GRXCR1: variants seen among roughly 807,000 people sequenced by gnomAD.
GRXCR1 encodes the protein glutaredoxin and cysteine rich domain containing 1, also known as glutaredoxin domain-containing cysteine-rich protein 1.
Under a neutral mutation model 27.3 loss-of-function variants are expected in GRXCR1, and 27 were observed. The observed-to-expected ratio is 0.99, with a 90% confidence interval of 0.73 to 1.37. The LOEUF is 1.37. Ranked by LOEUF, GRXCR1 falls within the 40% of genes most tolerant of loss-of-function variation. GRXCR1 has a pLI of 0.00. For synonymous variants in GRXCR1, 122 were observed against 131.1 expected (o/e 0.93, Z 0.47); for missense variants, 379 against 354.4 (o/e 1.07, Z -0.56).
chr4:42,964,933 T>C (rs1292085297), intron 2 of GRXCR1, among the ~76,000 whole-genome samples: 2 of 152,040 alleles, frequency 1.3e-5, no homozygotes, highest in Admixed American at 1.3e-4. Flanking sequence ...CTTTTTTAAC[T>C]TGGGAAAATG....
At chr4:42,948,401 T>G (rs771519923) in intron 1 of GRXCR1, among the ~76,000 whole-genome samples, 30 of 152,174 alleles carry the variant, frequency 2.0e-4, no homozygotes, top group Non-Finnish European at 4.1e-4. Flanking sequence ...AGAAAAGTCC[T>G]ACACACAAGT....
chr4:42,984,066 C>T (rs1577931857), intron 2 of GRXCR1, among the ~76,000 whole-genome samples: 1 of 152,210 alleles, frequency 6.6e-6, no homozygotes, highest in South Asian at 2.1e-4. Flanking sequence ...GAACTCCTGA[C>T]CTCAGGTGAT....
At chr4:42,954,054 T>C (rs1747945346) in intron 1 of GRXCR1, among the ~76,000 whole-genome samples, 1 of 152,152 alleles carries the variant, frequency 6.6e-6, no homozygotes, top group South Asian at 2.1e-4. Context: ...AAAATATTTA[T>C]GGAGTATCCA....
At chr4:42,936,107 A>C (rs1023699165) in intron 1 of GRXCR1, among the ~76,000 whole-genome samples, 1 of 151,914 alleles carries the variant, frequency 6.6e-6, no homozygotes, top group Non-Finnish European at 1.5e-5. Context: ...AATTTGGGCA[A>C]CAAGGAGGAA....
chr4:43,005,046 G>T (rs1270782169), intron 2 of GRXCR1, among the ~76,000 whole-genome samples: 1 of 152,138 alleles, frequency 6.6e-6, no homozygotes, highest in Non-Finnish European at 1.5e-5. Context: ...CTGGTGGGAG[G>T]CAATTGGATC....
intron 2 of GRXCR1, among the ~76,000 whole-genome samples, chr4:43,012,555 TTAC>T (rs947418072): frequency 6.6e-6 from 1 of 152,202 alleles, no homozygotes; most frequent in African/African-American, 2.4e-5. Context: ...TGGGAATTTA[TTAC>T]TACTACTTCT....
chr4:42,987,999 T>C (rs960065975), intron 2 of GRXCR1, among the ~76,000 whole-genome samples: 1 of 152,134 alleles, frequency 6.6e-6, no homozygotes, highest in African/African-American at 2.4e-5. Flanking sequence ...GCTCTTCTCA[T>C]TGGGGTCCTC....
At chr4:43,027,900 G>C (rs1287606690) in intron 3 of GRXCR1, among the ~76,000 whole-genome samples, 5 of 152,162 alleles carry the variant, frequency 3.3e-5, no homozygotes, top group Non-Finnish European at 7.4e-5. Context: ...ACTTGAGTTA[G>C]GAGTTTGTGA....
chr4:42,923,493 A>G (rs762510004), intron 1 of GRXCR1, among the ~76,000 whole-genome samples: 1 of 152,112 alleles, frequency 6.6e-6, no homozygotes, highest in Non-Finnish European at 1.5e-5. Context: ...TGGACTATTT[A>G]TCCAAATGTT....
rs141391379 is a variant in GRXCR1 at position 42,967,616 on chromosome 4, C to T, written c.627+4482C>T. ...ATTGATATTTTTCTTCATTTTTAGT[C>T]ATGTTTTTCTATTTTTATGCCTACT... On this transcript the variant is annotated intron_variant, in intron 2 of 3. Coordinates refer to ENST00000399770, the MANE Select transcript of GRXCR1 (RefSeq NM_001080476.3). Among the ~76,000 whole-genome samples the T allele has an allele frequency of 1.4e-4, 22 of 152,056 alleles. No individual in the cohort carries two copies. The South Asian group carries it at 2.3e-3, about 16-fold the overall frequency.
chr4:43,015,432 C>A (rs1468676653), intron 2 of GRXCR1, among the ~76,000 whole-genome samples: 1 of 151,998 alleles, frequency 6.6e-6, no homozygotes, highest in Non-Finnish European at 1.5e-5. Flanking sequence ...GATGTAGGAG[C>A]CATTTCTGTA....
chr4:43,028,196 A>G (rs532101193), intron 3 of GRXCR1, among the ~76,000 whole-genome samples: 2 of 152,154 alleles, frequency 1.3e-5, no homozygotes, highest in African/African-American at 4.8e-5. Context: ...CTTTTCTTCT[A>G]TGTCAACTCT....
intron 3 of GRXCR1, among the ~76,000 whole-genome samples, chr4:43,025,379 A>G (rs1395800953): frequency 6.6e-6 from 1 of 152,230 alleles, no homozygotes; most frequent in Non-Finnish European, 1.5e-5. Context: ...TGGCTAGTGA[A>G]TACTCAATAT....
chr4:43,008,417 A>G (rs556316771), intron 2 of GRXCR1, among the ~76,000 whole-genome samples: 1 of 152,332 alleles, frequency 6.6e-6, no homozygotes, highest in Admixed American at 6.5e-5. Flanking sequence ...TTTATAGCAC[A>G]AGTTTGCCTT....
rs576842716 is a variant in GRXCR1, at chr4:42,934,111, C to T, written c.385-28781C>T. Among the ~76,000 whole-genome samples, 14 of 151,882 alleles carry T rather than the reference C, an allele frequency of 9.2e-5. No individual in the cohort carries two copies. In the South Asian group the frequency reaches 2.9e-3, roughly 32 times the overall value. ...CAGAAAGGAGCAGACAACTTGTGGA[C>T]TCTTTAAGGAGGCCTCTTCTTCTCT... is the stretch of plus-strand genomic sequence containing the variant. On this transcript the variant is annotated intron_variant, in intron 1 of 3. Coordinates refer to ENST00000399770, the MANE Select transcript of GRXCR1 (RefSeq NM_001080476.3).
intron 2 of GRXCR1, among the ~76,000 whole-genome samples, chr4:42,989,192 A>T (rs891792230): frequency 6.6e-6 from 1 of 152,214 alleles, no homozygotes; most frequent in African/African-American, 2.4e-5. Context: ...CTTAAATAAT[A>T]GTTTTGGAGG....
At chr4:42,972,298 C>A (rs1748407366) in intron 2 of GRXCR1, among the ~76,000 whole-genome samples, 1 of 152,070 alleles carries the variant, frequency 6.6e-6, no homozygotes, top group Non-Finnish European at 1.5e-5. Flanking sequence ...CATCAGAGAT[C>A]TGGTTGGAGG....
chr4:42,914,228 A>G (rs939172646), intron 1 of GRXCR1, among the ~76,000 whole-genome samples: 1 of 152,234 alleles, frequency 6.6e-6, no homozygotes, highest in African/African-American at 2.4e-5. Context: ...CTGCACCTGG[A>G]AAAGTGGAAA....
At chr4:42,990,703 T>G (rs1711945309) in intron 2 of GRXCR1, among the ~76,000 whole-genome samples, 1 of 151,976 alleles carries the variant, frequency 6.6e-6, no homozygotes, top group Non-Finnish European at 1.5e-5. Flanking sequence ...TGCATTGTCA[T>G]TAGACACTAT....
Sources: allele counts gnomAD v4.1 joint callset (sites outside exome capture counted in the v4.1 genomes callset), GRCh38; gene constraint gnomAD v4.1.1; transcripts MANE v1.5; gene names NCBI Gene and HGNC (gene_info 2026-07-23, HGNC 2026-07-21).